Variants in HMCN2 observed in about 807,000 individuals in gnomAD.
HMCN2 encodes hemicentin-2.
HMCN2 carries 325 observed loss-of-function variants against 377.5 expected under a neutral mutation model. The observed-to-expected ratio is 0.86, with a 90% CI of 0.79 to 0.94. The LOEUF (loss-of-function observed/expected upper bound fraction) is 0.94. Ranked by LOEUF, HMCN2 falls within the 40% of genes least tolerant of loss-of-function variation. The pLI is 0.00. For synonymous variants in HMCN2, 2,007 were observed against 2,046.8 expected (o/e 0.98, Z 0.53); for missense variants, 4,543 against 4,725.3 (o/e 0.96, Z 1.13).
chr9:130,383,005 C>A, intron 56 of HMCN2, 139 bp downstream of exon 56: 1 of 432,668 alleles, frequency 2.3e-6, no homozygotes, highest in Non-Finnish European at 3.1e-6. Flanking sequence ...CAAGAATCAC[C>A]TGTGAGGAGG....
chr9:130,393,518 G>A lies in HMCN2; in HGVS notation c.10234+209G>A, dbSNP rs761853830. On this transcript the variant is annotated intron_variant, in intron 67 of 97. Transcript: ENST00000683500. This position sits in a 1 kb window ranked among gnomAD's most constrained non-coding sequence, Gnocchi z 5.2. ...GCACTCTGGTATGCCCAGGATAGGC[G>A]GGGGCAGAGAGGCAGGAAGCAGCTC... Among the ~76,000 whole-genome samples, 6 of 152,202 alleles carry A rather than the reference G, an allele frequency of 3.9e-5. No individual in the cohort carries two copies. Among genetic ancestry groups the A allele is most frequent in the Non-Finnish European group, 5.9e-5 (4 of 68,036 alleles).
rs1445068708 is a variant in HMCN2, at chr9:130,402,893, C to T, written c.11875C>T (p.Gln3959Ter). The change falls in exon 78 of 98, where the codon CAA (glutamine) becomes TAA (stop). Residue 3959 changes from glutamine to a stop codon, truncating the protein, a stop_gained. Transcript: ENST00000683500. LOFTEE classifies it high-confidence loss of function. ...CCACAAGCACGTCTTCCTCACTGTG[C>T]AAGGTAAGGGTCCGTGGTCCAGACC... is the stretch of plus-strand genomic sequence containing the variant. ...VAHKHVFLTV[Q>*]ASPVVKPLPS... is the part of the protein sequence containing the mutation. 2.3e-6 allele frequency: 3 copies of T among 1,289,438 alleles called. No individual in the cohort carries two copies. Among genetic ancestry groups the T allele is most frequent in the Admixed American group, 2.3e-5 (1 of 43,572 alleles). 79.9% of individuals were successfully genotyped at this position (1,289,438 alleles called of 1,614,324 possible).
chr9:130,364,918 G>T (rs1045727594), intron 41 of HMCN2, 29 bp downstream of exon 41: 11 of 985,364 alleles, frequency 1.1e-5, no homozygotes, highest in Non-Finnish European at 1.3e-5. Context: ...AGCCAAGCAG[G>T]CCTCCACCTC....
At position 130,393,148 on chromosome 9, in the gene HMCN2, T is replaced by C; in HGVS notation, c.10137-64T>C. 1 of 943,782 alleles carries C rather than the reference T, an allele frequency of 1.1e-6. No homozygotes were observed. The highest frequency in any genetic ancestry group is 1.3e-6 in the Non-Finnish European group (1 of 790,018). The allele number at this position is 943,782 out of a possible 1,614,324, so 58.5% of individuals were successfully genotyped here. ...GCCAGCCTCTCCTGTCTCTCTCCCT[T>C]TCTCTTCCTCTCTCTCTCTCCCTTT... On this transcript the variant is annotated intron_variant, in intron 66 of 97. Coordinates refer to ENST00000683500, the MANE Select transcript of HMCN2 (RefSeq NM_001291815.2). This position sits in a 1 kb window ranked among gnomAD's most constrained non-coding sequence, Gnocchi z 5.2.
intron 8 of HMCN2, among the ~76,000 whole-genome samples, chr9:130,301,785 G>A (rs2131336269): frequency 6.6e-6 from 1 of 152,368 alleles, no homozygotes; most frequent in East Asian, 1.9e-4. Flanking sequence ...CGGGGATGGG[G>A]AGACGGTGAC....
intron 39 of HMCN2, among the ~76,000 whole-genome samples, chr9:130,362,553 G>A (rs1019749261): frequency 3.3e-5 from 5 of 152,212 alleles, no homozygotes; most frequent in African/African-American, 9.7e-5. Context: ...TTTGAAGTCC[G>A]TGGCATATTT....
chr9:130,377,867 C>T lies in HMCN2; in HGVS notation c.8212+68C>T, dbSNP rs370786190. On this transcript the variant is annotated intron_variant, in intron 53 of 97. Coordinates refer to ENST00000683500, the MANE Select transcript of HMCN2 (RefSeq NM_001291815.2). ...TGAGGACATTGTGGGGCTGGCCCTC[C>T]GCAGGCCCCCACCATGTGTCCTGCA... 1.2e-4 allele frequency: 117 copies of T among 966,890 alleles called. No homozygotes were observed. In the Middle Eastern group the frequency reaches 1.6e-3, roughly 13 times the overall value. 59.9% of individuals were successfully genotyped at this position (966,890 alleles called of 1,614,324 possible). A position where few individuals can be genotyped will look rare whatever the true frequency, so the allele number is the denominator to read the frequency against.
In HMCN2 at chr9:130,369,817, G is replaced by T. The variant is rs1384096807; in HGVS notation, c.7035G>T (p.Gly2345=). The change falls in exon 45 of 98, where the codon GGG becomes GGT. Residue 2345 remains glycine (G), a synonymous_variant. Transcript: ENST00000683500. The surrounding 1 kb of genome is among the most constrained non-coding windows in gnomAD (Gnocchi z 4.5). ...RYSCVAENLA[G]RAERKFELSV... is the part of the protein sequence containing the mutation. ...GCTGTGTGGCCGAGAACCTGGCTGG[G>T]AGGGCAGAGAGGAAGTTTGAGCTCT... is the stretch of plus-strand genomic sequence containing the variant. 2.5e-5 allele frequency: 25 copies of T among 986,030 alleles called. No individual in the cohort carries two copies. Among genetic ancestry groups the T allele is most frequent in the Non-Finnish European group, 3.0e-5 (25 of 830,270 alleles). The allele number at this position is 986,030 out of a possible 1,614,324, so 61.1% of individuals were successfully genotyped here.
At chr9:130,395,430 A>C in intron 71 of HMCN2, 83 bp downstream of exon 71, 1 of 1,173,622 alleles carries the variant, frequency 8.5e-7, no homozygotes, top group Non-Finnish European at 1.1e-6. Context: ...CAAGATCCAG[A>C]GCGGGTGCCA....
chr9:130,322,324 AT>A (rs1837897230), intron 19 of HMCN2, among the ~76,000 whole-genome samples: 1 of 13,030 alleles, frequency 7.7e-5, no homozygotes, highest in African/African-American at 2.0e-4. Flanking sequence ...TATCTAATCT[AT>A]CTATCTATCT....
In HMCN2 at chr9:130,398,583, C is replaced by T. The variant is rs1842720152; in HGVS notation, c.11359C>T (p.Leu3787=). ...PPAIAPSPSN[L]TLTAHTPALL... is the part of the protein sequence containing the mutation. Reference sequence around the variant, plus strand: ...AGCCATCGCCCCCAGCCCCTCCAACCTGACCCTGACCGCCCACACCCCAGC... The same window carrying T: ...AGCCATCGCCCCCAGCCCCTCCAACTTGACCCTGACCGCCCACACCCCAGC... Residue 3787 remains leucine, a synonymous_variant, in exon 75 of 98, where the codon CTG becomes TTG. Coordinates refer to ENST00000683500, the MANE Select transcript of HMCN2 (RefSeq NM_001291815.2). 7.8e-7 allele frequency: 1 copy of T among 1,274,452 alleles called. No individual in the cohort carries two copies. Among genetic ancestry groups the T allele is most frequent in the African/African-American group, 1.5e-5 (1 of 65,644 alleles). The allele number at this position is 1,274,452 out of a possible 1,614,324, so 78.9% of individuals were successfully genotyped here. A position where few individuals can be genotyped will look rare whatever the true frequency, so the allele number is the denominator to read the frequency against.
chr9:130,328,328 G>A (rs1436903114), intron 22 of HMCN2, among the ~76,000 whole-genome samples: 1 of 152,150 alleles, frequency 6.6e-6, no homozygotes, highest in Non-Finnish European at 1.5e-5. Context: ...GTGTGGCGGG[G>A]GGCCGTGGGA....
intron 75 of HMCN2, 94 bp from the exon 76 acceptor site, chr9:130,399,417 A>G: frequency 8.6e-7 from 1 of 1,160,544 alleles, no homozygotes; most frequent in Non-Finnish European, 1.1e-6. Context: ...CAGATACAGG[A>G]AGGGGAAATG....
In HMCN2 at chr9:130,398,568, C is replaced by T; in HGVS notation, c.11344C>T (p.Pro3782Ser). ...CTCCCCAGAGCCTCCAGCCATCGCCCCCAGCCCCTCCAACCTGACCCTGAC... is the reference window on the plus strand; with the variant it reads ...CTCCCCAGAGCCTCCAGCCATCGCCTCCAGCCCCTCCAACCTGACCCTGAC... Reference protein sequence around the residue: ...LRVLEPPAIAPSPSNLTLTAH... With the variant: ...LRVLEPPAIASSPSNLTLTAH... The change falls in exon 75 of 98, where the codon CCC becomes TCC. Residue 3782 changes from proline to serine, a missense_variant. Pro to Ser is a moderately conservative substitution (Grantham distance 74). Transcript: ENST00000683500. The T allele has an allele frequency of 7.9e-7, 1 of 1,261,526 alleles. No homozygotes were observed. The highest frequency in any genetic ancestry group is 1.0e-6 in the Non-Finnish European group (1 of 970,256). The allele number at this position is 1,261,526 out of a possible 1,614,324, so 78.1% of individuals were successfully genotyped here.
rs1287412527 is a variant in HMCN2 at position 130,303,221 on chromosome 9, G to A, written c.1421+220G>A. ...GGCCATCAGCTGGTGAAGGAGCCGG[G>A]GGCCTTCCTCAGCTCCTGGAAAACT... On this transcript the variant is annotated intron_variant, in intron 9 of 97. Coordinates refer to ENST00000683500, the MANE Select transcript of HMCN2 (RefSeq NM_001291815.2). This position sits in a 1 kb window ranked among gnomAD's most constrained non-coding sequence, Gnocchi z 5.2. Among the ~76,000 whole-genome samples, 1 of 152,222 alleles carries A rather than the reference G, an allele frequency of 6.6e-6. No homozygotes were observed. The highest frequency in any genetic ancestry group is 1.9e-4 in the East Asian group (1 of 5,196).
In HMCN2 at chr9:130,377,743, G is replaced by T; in HGVS notation, c.8156G>T (p.Cys2719Phe). The change falls in exon 53 of 98, where the codon TGT becomes TTT. Residue 2719 changes from cysteine (C) to phenylalanine (F), a missense_variant. Coordinates refer to ENST00000683500, the MANE Select transcript of HMCN2 (RefSeq NM_001291815.2). ...GTCTCAGACTCGGGGCGGTACCTGTGTGTGGCCACCAATGTGGCTGGCGAG... is the reference window on the plus strand; with the variant it reads ...GTCTCAGACTCGGGGCGGTACCTGTTTGTGGCCACCAATGTGGCTGGCGAG... ...TQVSDSGRYL[C>F]VATNVAGEDD... The T allele has an allele frequency of 1.0e-6, 1 of 985,932 alleles. No homozygotes were observed. Among genetic ancestry groups the T allele is most frequent in the Non-Finnish European group, 1.2e-6 (1 of 829,974 alleles). The allele number at this position is 985,932 out of a possible 1,614,324, so 61.1% of individuals were successfully genotyped here.
Position 130,352,949 on chromosome 9 carries a change from C to T in HMCN2, c.4608C>T (p.Ser1536=). 1 of 1,295,126 alleles carries T rather than the reference C, an allele frequency of 7.7e-7. No individual in the cohort carries two copies. The highest frequency in any genetic ancestry group is 1.3e-5 in the South Asian group (1 of 79,774). The allele number at this position is 1,295,126 out of a possible 1,614,324, so 80.2% of individuals were successfully genotyped here. ...RVHAPPTIWG[S]NETGEVAVME... ...CAGCGCCCCCCACTATCTGGGGCTC[C>T]AACGAGACAGGCGAGGTGGCCGTCA... The change falls in exon 31 of 98, where the codon TCC becomes TCT. Residue 1536 remains serine (S), a synonymous_variant. Coordinates refer to ENST00000683500, the MANE Select transcript of HMCN2 (RefSeq NM_001291815.2).
intron 77 of HMCN2, among the ~76,000 whole-genome samples, chr9:130,401,394 G>T (rs112995646): frequency 2.0e-5 from 3 of 152,048 alleles, no homozygotes; most frequent in African/African-American, 7.2e-5. Flanking sequence ...AGCTATCTCC[G>T]CTCACTGCAG....
chr9:130,324,655 C>A (rs1443051227), intron 19 of HMCN2, among the ~76,000 whole-genome samples: 7 of 152,032 alleles, frequency 4.6e-5, no homozygotes, highest in Non-Finnish European at 1.0e-4. Context: ...GATGGAGTCT[C>A]ACTCTATGGC....
Sources: allele counts gnomAD v4.1 joint callset (sites outside exome capture counted in the v4.1 genomes callset), GRCh38; gene constraint gnomAD v4.1.1; non-coding constraint Gnocchi (gnomAD v3.1); transcripts MANE v1.5; gene names NCBI Gene and HGNC (gene_info 2026-07-23, HGNC 2026-07-21).